Variants in DDC observed in about 807,000 individuals in gnomAD.
DDC encodes the protein dopa decarboxylase.
DDC carries 43 observed loss-of-function variants against 60.0 expected under a neutral mutation model. The observed-to-expected ratio is 0.72, with a 90% CI of 0.56 to 0.92. The LOEUF (loss-of-function observed/expected upper bound fraction) is 0.92. DDC is among the 40% of genes least tolerant of loss of function. DDC has a pLI of 0.00. For synonymous variants in DDC, 232 were observed against 234.6 expected, an observed-to-expected ratio of 0.99 and a Z score of 0.10; for missense variants, 573 against 620.2, an observed-to-expected ratio of 0.92 and a Z score of 0.81.
rs201965753 is a variant in DDC, at chr7:50,523,639, GAA to G, written c.714+4496_714+4497del. On this transcript the variant is annotated intron_variant, in intron 6 of 14. Transcript: ENST00000444124. ...ATAAGATACCACTACACATCTATTA[GAA>G]TGGATAAAATAAAAAACACTGAAAA... 2.8e-3 allele frequency among the ~76,000 whole-genome samples: 433 copies of G among 152,194 alleles called. 1 individual carries two copies. Among genetic ancestry groups the G allele is most frequent in the African/African-American group, 9.4e-3 (390 of 41,536 alleles).
intron 6 of DDC, among the ~76,000 whole-genome samples, chr7:50,509,815 C>A (rs1301788536): frequency 2.0e-5 from 3 of 151,856 alleles, no homozygotes; most frequent in Admixed American, 6.6e-5. Flanking sequence ...TAAATTGGTA[C>A]AATGTTTTTG....
intron 3 of DDC, 132 bp from the exon 4 acceptor site, chr7:50,538,111 G>A: frequency 9.0e-7 from 1 of 1,116,114 alleles, no homozygotes; most frequent in South Asian, 1.3e-5. Flanking sequence ...GTGATTCAAA[G>A]GCCTGAAGGC....
chr7:50,541,366 A>G (rs2044623676), intron 2 of DDC: 1 of 152,328 alleles, frequency 6.6e-6, no homozygotes, highest in Non-Finnish European at 1.5e-5. Context: ...GAATCCCAGC[A>G]GCAGAGGATA....
intron 10 of DDC, among the ~76,000 whole-genome samples, chr7:50,479,252 T>A (rs1215427837): frequency 1.3e-5 from 2 of 152,192 alleles, no homozygotes; most frequent in Non-Finnish European, 2.9e-5. Context: ...TGAGCCTCCT[T>A]GGCTGTCACC....
chr7:50,508,278 T>G (rs1418131297), intron 6 of DDC, among the ~76,000 whole-genome samples: 1 of 152,206 alleles, frequency 6.6e-6, no homozygotes, highest in East Asian at 1.9e-4. Flanking sequence ...AGCTCAGCAT[T>G]GCTCAATGAC....
intron 6 of DDC, among the ~76,000 whole-genome samples, chr7:50,522,124 T>G (rs2043909236): frequency 6.6e-6 from 1 of 152,052 alleles, no homozygotes; most frequent in Non-Finnish European, 1.5e-5. Flanking sequence ...GTTAATTGTT[T>G]TCTTATCATC....
At chr7:50,561,336 A>G (rs960456019) in intron 1 of DDC, among the ~76,000 whole-genome samples, 1 of 152,114 alleles carries the variant, frequency 6.6e-6, no homozygotes, top group African/African-American at 2.4e-5. Context: ...ATTTGGGGCC[A>G]GGGCTCCTGG....
At chr7:50,476,057 A>C (rs1283524854) in intron 11 of DDC, among the ~76,000 whole-genome samples, 1 of 151,666 alleles carries the variant, frequency 6.6e-6, no homozygotes, top group African/African-American at 2.4e-5. Context: ...CCTGAGTTTC[A>C]CCCTCCCCCT....
At chr7:50,477,509 C>A in intron 10 of DDC, 2 of 456,510 alleles carry the variant, frequency 4.4e-6, no homozygotes, top group Non-Finnish European at 4.4e-6. Flanking sequence ...CCATGCTCAG[C>A]TGGGACAAGC....
At chr7:50,539,760 C>A in intron 3 of DDC, 155 bp downstream of exon 3, 1 of 662,338 alleles carries the variant, frequency 1.5e-6, no homozygotes, top group Non-Finnish European at 2.8e-6. Flanking sequence ...GGCACTCTCT[C>A]TGGGCTGAAT....
intron 8 of DDC, among the ~76,000 whole-genome samples, chr7:50,496,716 A>T (rs1162757653): frequency 6.6e-6 from 1 of 152,174 alleles, no homozygotes; most frequent in East Asian, 1.9e-4. Flanking sequence ...ATACCGAAAT[A>T]AAGGTGGCTG....
chr7:50,504,136 G>T, intron 6 of DDC, 77 bp from the exon 7 acceptor site: 2 of 1,034,214 alleles, frequency 1.9e-6, no homozygotes, highest in Non-Finnish European at 3.1e-6. Flanking sequence ...AGCAACTGCT[G>T]CCCCATGGTC....
At position 50,477,620 on chromosome 7, in the gene DDC, C is replaced by A. The variant is rs112891297; in HGVS notation, c.1022-977G>T. The A allele has an allele frequency of 1.8e-5, 8 of 448,860 alleles. 1 individual carries two copies. Among genetic ancestry groups the A allele is most frequent in the African/African-American group, 8.0e-5 (4 of 49,704 alleles). The allele number at this position is 448,860 out of a possible 1,614,324, so 27.8% of individuals were successfully genotyped here. On this transcript the variant is annotated intron_variant, in intron 10 of 14. Coordinates refer to ENST00000444124, the MANE Select transcript of DDC (RefSeq NM_001082971.2). ...AACATCTGAAGTCACCACTTGGTAT[C>A]ATTCCCTAATAGTTATTTTCTCCAC...
chr7:50,513,987 A>G (rs2043658138), intron 6 of DDC, among the ~76,000 whole-genome samples: 1 of 152,066 alleles, frequency 6.6e-6, no homozygotes, highest in South Asian at 2.1e-4. Flanking sequence ...TGCTCTCTGG[A>G]AAGCACTACC....
Position 50,463,353 on chromosome 7 carries a change from T to C in DDC, c.1321A>G (p.Arg441Gly). 1.2e-6 allele frequency: 2 copies of C among 1,614,182 alleles called. No homozygotes were observed. The highest frequency in any genetic ancestry group is 1.7e-6 in the Non-Finnish European group (2 of 1,180,004). The change falls in exon 14 of 15, where the codon AGG becomes GGG. Residue 441 changes from arginine (R) to glycine (G), a missense_variant. Physicochemically the swap from Arg to Gly is moderately radical, Grantham distance 125. Transcript: ENST00000444124. ...GCAAAGCGCAGGACAAACTTGTCCC[T>C]GAGGTGACATGGAACCAAGTGGATT... ...KKIHLVPCHLRDKFVLRFAIC... is the reference protein window; with the variant it reads ...KKIHLVPCHLGDKFVLRFAIC...
rs935725316 is a variant in DDC, at chr7:50,539,988, G to A, written c.242C>T (p.Pro81Leu). Residue 81 changes from proline to leucine, a missense_variant, in exon 3 of 15, where the codon CCC becomes CTC. Coordinates refer to ENST00000444124, the MANE Select transcript of DDC (RefSeq NM_001082971.2). ...CATGGCCGGGTACGAGCTGGCAGTGGGGAAGTAGGCGAAGAAGTAGGGGCT... is the reference window on the plus strand; with the variant it reads ...CATGGCCGGGTACGAGCTGGCAGTGAGGAAGTAGGCGAAGAAGTAGGGGCT... ...WHSPYFFAYF[P>L]TASSYPAMLA... 1 of 1,614,076 alleles carries A rather than the reference G, an allele frequency of 6.2e-7. No homozygotes were observed.
At chr7:50,484,631 AT>A (rs1432722846) in intron 9 of DDC, among the ~76,000 whole-genome samples, 6 of 152,208 alleles carry the variant, frequency 3.9e-5, no homozygotes, top group South Asian at 2.1e-4. Context: ...ACAGATGTGT[AT>A]GTGTACTTGA....
intron 9 of DDC, among the ~76,000 whole-genome samples, chr7:50,486,057 G>T (rs2042873859): frequency 2.6e-5 from 4 of 152,156 alleles, no homozygotes; most frequent in Admixed American, 2.6e-4. Flanking sequence ...TTGCTCTGAG[G>T]CTGTACATCC....
chr7:50,468,019 G>C (rs1453497968), intron 12 of DDC, among the ~76,000 whole-genome samples: 3 of 152,282 alleles, frequency 2.0e-5, no homozygotes, highest in Non-Finnish European at 4.4e-5. Context: ...CAGACAGCAT[G>C]TGATCCTAGG....
Sources: allele counts gnomAD v4.1 joint callset (sites outside exome capture counted in the v4.1 genomes callset), GRCh38; gene constraint gnomAD v4.1.1; transcripts MANE v1.5; gene names NCBI Gene and HGNC (gene_info 2026-07-23, HGNC 2026-07-21).